MAK: variants seen among roughly 807,000 people sequenced by gnomAD.
MAK encodes the protein serine/threonine-protein kinase MAK.
In MAK, 65 loss-of-function variants were observed where a neutral mutation model predicts 82.6. The ratio of observed to expected loss-of-function variants is 0.79; its 90% CI spans 0.64 to 0.97. The LOEUF (loss-of-function observed/expected upper bound fraction) is 0.97, where lower values mean the gene tolerates loss of function less well. MAK is among the 50% of genes least tolerant of loss of function. MAK has a pLI of 0.00. For synonymous variants in MAK, 250 were observed against 274.2 expected (o/e 0.91, Z 0.87); for missense variants, 703 against 780.2 (o/e 0.90, Z 1.18).
chr6:10,779,670 GGATT>G (rs1360218661), intron 11 of MAK, among the ~76,000 whole-genome samples: 3 of 152,022 alleles, frequency 2.0e-5, no homozygotes, highest in Non-Finnish European at 4.4e-5. Context: ...TAAATGTCAA[GGATT>G]GTTTCTTTTT....
rs1318319605 is a variant in MAK, at chr6:10,762,797, CATTA to C, written c.*1651_*1654del. 6.6e-6 allele frequency: 1 copy of C among 152,514 alleles called. No individual in the cohort carries two copies. The highest frequency in any genetic ancestry group is 2.4e-5 in the African/African-American group (1 of 41,392). 9.4% of individuals were successfully genotyped at this position (152,514 alleles called of 1,614,324 possible). A position where few individuals can be genotyped will look rare whatever the true frequency, so the allele number is the denominator to read the frequency against. On this transcript the variant is annotated 3_prime_UTR_variant, in exon 15 of 15. Transcript: ENST00000354489. The stretch of plus-strand genomic sequence containing the variant: ...AACAAAAGACTGCACAGCTTTGAGA[CATTA>C]ATTTAAACTGTACAAATACATATAA...
At chr6:10,822,119 C>T (rs1328079049) in intron 2 of MAK, among the ~76,000 whole-genome samples, 2 of 144,764 alleles carry the variant, frequency 1.4e-5, no homozygotes, top group Non-Finnish European at 3.0e-5. Context: ...TGCACTCCAG[C>T]CTGGGCAACA....
At chr6:10,773,874 T>C (rs1773231176) in intron 12 of MAK, among the ~76,000 whole-genome samples, 1 of 151,944 alleles carries the variant, frequency 6.6e-6, no homozygotes, top group African/African-American at 2.4e-5. Flanking sequence ...TGTGTGTGTG[T>C]ATTTTTAGTA....
At chr6:10,824,353 C>G (rs1453201665) in intron 2 of MAK, among the ~76,000 whole-genome samples, 3 of 152,222 alleles carry the variant, frequency 2.0e-5, no homozygotes, top group Non-Finnish European at 1.5e-5. Flanking sequence ...ATCCTTTTCA[C>G]CGTCGCTACC....
chr6:10,809,419 G>C (rs575508770), intron 5 of MAK, among the ~76,000 whole-genome samples: 1 of 152,140 alleles, frequency 6.6e-6, no homozygotes, highest in African/African-American at 2.4e-5. Flanking sequence ...GTAGTGGCTC[G>C]ATCTCGGCTC....
intron 2 of MAK, among the ~76,000 whole-genome samples, chr6:10,826,209 C>T (rs916209292): frequency 2.0e-5 from 3 of 152,104 alleles, no homozygotes; most frequent in African/African-American, 4.8e-5. Context: ...GGGCTTCATA[C>T]GTACTATTTC....
chr6:10,804,601 C>T (rs1776267708), intron 6 of MAK, among the ~76,000 whole-genome samples: 1 of 152,180 alleles, frequency 6.6e-6, no homozygotes, highest in South Asian at 2.1e-4. Flanking sequence ...CCTTAGCCTC[C>T]CGAAGTGCTG....
chr6:10,795,294 T>C (rs972868965), intron 9 of MAK, among the ~76,000 whole-genome samples: 1 of 150,560 alleles, frequency 6.6e-6, no homozygotes, highest in Non-Finnish European at 1.5e-5. Context: ...ATACAAAAAT[T>C]AGCTGGGTGT....
chr6:10,803,515 A>G (rs1776170651), intron 7 of MAK, among the ~76,000 whole-genome samples: 1 of 150,920 alleles, frequency 6.6e-6, no homozygotes. Context: ...ACTGCACTCC[A>G]ACCTGGGCAA....
At chr6:10,792,679 A>G (rs1203452198) in intron 9 of MAK, among the ~76,000 whole-genome samples, 1 of 152,188 alleles carries the variant, frequency 6.6e-6, no homozygotes, top group African/African-American at 2.4e-5. Context: ...AAAACTAGGG[A>G]AGAGAGCATG....
chr6:10,780,149 T>G, intron 11 of MAK: 1 of 562,242 alleles, frequency 1.8e-6, no homozygotes, highest in East Asian at 1.4e-4. Flanking sequence ...CGCCAATAGG[T>G]GACAGTAAGG....
At chr6:10,836,825 T>G (rs1325657337) in intron 1 of MAK, among the ~76,000 whole-genome samples, 2 of 152,208 alleles carry the variant, frequency 1.3e-5, no homozygotes, top group Non-Finnish European at 2.9e-5. Flanking sequence ...CTATAACATT[T>G]ATTGACCTTC....
In MAK at chr6:10,764,514, G is replaced by A. The variant is rs1490967908; in HGVS notation, c.1885C>T (p.Gln629Ter). 6.2e-7 allele frequency: 1 copy of A among 1,614,008 alleles called. No individual in the cohort carries two copies. The highest frequency in any genetic ancestry group is 1.7e-5 in the Admixed American group (1 of 60,006). The change falls in exon 15 of 15, where the codon CAG becomes TAG. Residue 629 changes from glutamine to a stop codon, truncating the protein, a stop_gained. Transcript: ENST00000354489. LOFTEE classifies it high-confidence loss of function. ...AKNLNIVNRA[Q>*]PIPSVHGRTD... ...CTCCCATGCACTGAGGGAATGGGCTGTGCACGGTTCACAATATTTAGGTTT... is the reference window on the plus strand; with the variant it reads ...CTCCCATGCACTGAGGGAATGGGCTATGCACGGTTCACAATATTTAGGTTT...
At chr6:10,797,191 C>T (rs1775637681) in intron 8 of MAK, among the ~76,000 whole-genome samples, 2 of 151,996 alleles carry the variant, frequency 1.3e-5, no homozygotes, top group Admixed American at 1.3e-4. Flanking sequence ...GGTATACCAG[C>T]AAAGAGAAGA....
At chr6:10,818,978 G>C (rs760139739) in intron 2 of MAK, 38 bp from the exon 3 acceptor site, 2 of 1,192,106 alleles carry the variant, frequency 1.7e-6, no homozygotes, top group Non-Finnish European at 2.5e-6. Flanking sequence ...TTCAGGGATT[G>C]AGGATTCAAA....
At position 10,791,741 on chromosome 6, in the gene MAK, G is replaced by C. The variant is rs779355214; in HGVS notation, c.1250C>G (p.Ala417Gly). 4.3e-6 allele frequency: 7 copies of C among 1,613,772 alleles called. No individual in the cohort carries two copies. The highest frequency in any genetic ancestry group is 5.9e-6 in the Non-Finnish European group (7 of 1,179,926). Residue 417 changes from alanine to glycine, a missense_variant, in exon 10 of 15, where the codon GCC becomes GGC. Transcript: ENST00000354489. ...CATGCTTGGCTTCTTGGAATGGGAG[G>C]CTCCGAAATCATAGTCCTCCAACTC... is the stretch of plus-strand genomic sequence containing the variant. ...WEELEDYDFG[A>G]SHSKKPSMGV...
At chr6:10,829,462 A>C (rs565460851) in intron 2 of MAK, among the ~76,000 whole-genome samples, 53 of 152,284 alleles carry the variant, frequency 3.5e-4, no homozygotes, top group African/African-American at 1.3e-3. Context: ...GCACTTTGGG[A>C]GGCCAAGGTG....
rs1778717309 is a variant in MAK, at chr6:10,830,362, C to T, written c.101+186G>A. Reference sequence around the variant, plus strand: ...TGTATTTTTAGTAGAGACAGGGTTTCACCATGTTGGCCAGGCTGGTCTCAA... The same window carrying T: ...TGTATTTTTAGTAGAGACAGGGTTTTACCATGTTGGCCAGGCTGGTCTCAA... On this transcript the variant is annotated intron_variant, in intron 2 of 14. Coordinates refer to ENST00000354489, the MANE Select transcript of MAK (RefSeq NM_001242957.3). 2.6e-5 allele frequency among the ~76,000 whole-genome samples: 4 copies of T among 151,786 alleles called. No homozygotes were observed. In the South Asian group the frequency reaches 8.3e-4, roughly 32 times the overall value.
In MAK at chr6:10,795,426, G is replaced by A. The variant is rs150355018; in HGVS notation, c.1143+572C>T. Among the ~76,000 whole-genome samples the A allele has an allele frequency of 3.1e-3, 453 of 148,468 alleles. 5 individuals are homozygous for A. Among genetic ancestry groups the A allele is most frequent in the African/African-American group, 0.011 (439 of 40,142 alleles). On this transcript the variant is annotated intron_variant, in intron 9 of 14. Coordinates refer to ENST00000354489, the MANE Select transcript of MAK (RefSeq NM_001242957.3). ...CATTGCACTCCAGCCTGGGCAAATA[G>A]AGTGAAACTCCGTCTCAAGAAATAA...
Sources: allele counts gnomAD v4.1 joint callset (sites outside exome capture counted in the v4.1 genomes callset), GRCh38; gene constraint gnomAD v4.1.1; transcripts MANE v1.5; gene names NCBI Gene and HGNC (gene_info 2026-07-23, HGNC 2026-07-21).